Variants in ATP2C2 observed in about 807,000 individuals in gnomAD.
The protein encoded by ATP2C2 is ATPase secretory pathway Ca2+ transporting 2.
ATP2C2 carries 171 observed loss-of-function variants against 110.8 expected under a neutral mutation model. That is an observed-to-expected ratio of 1.54 (90% CI 1.36 to 1.75). ATP2C2 has a LOEUF of 1.75. ATP2C2 is among the 40% of genes most tolerant of loss of function. The probability of loss-of-function intolerance (pLI) is 0.00; values close to 1 mark genes in which losing one functional copy is unlikely to be tolerated. For synonymous variants in ATP2C2, 804 were observed against 508.4 expected, an observed-to-expected ratio of 1.58 and a Z score of -7.82; for missense variants, 1,963 against 1,235.0, an observed-to-expected ratio of 1.59 and a Z score of -8.84.
Position 84,462,066 on chromosome 16 carries a change from C to G in ATP2C2, c.2659C>G (p.Leu887Val). ...CGTCCTGGGGTCCATCCTGGGGCAG[C>G]TGGCGGTCATTTACATCCCCCCGCT... ...YSVLGSILGQ[L>V]AVIYIPPLQR... The change falls in exon 26 of 27, where the codon CTG becomes GTG. Residue 887 changes from leucine (L) to valine (V), a missense_variant. Physicochemically the swap from Leu to Val is conservative, Grantham distance 32 (BLOSUM62 1). Transcript: ENST00000262429. 2 of 1,614,066 alleles carry G rather than the reference C, an allele frequency of 1.2e-6. No homozygotes were observed. The highest frequency in any genetic ancestry group is 2.2e-5 in the South Asian group (2 of 91,074).
intron 4 of ATP2C2, among the ~76,000 whole-genome samples, chr16:84,409,110 C>A (rs1906043987): frequency 6.6e-6 from 1 of 152,178 alleles, no homozygotes; most frequent in Admixed American, 6.5e-5. Flanking sequence ...GGATATGTCA[C>A]TGAAATGGAT....
Position 84,460,711 on chromosome 16 carries a change from G to A in ATP2C2, c.2391G>A (p.Arg797=), listed in dbSNP as rs1911228217. ...TCAGGCAGCCACCACGGAGTGTGCG[G>A]GACACCATCCTCAGCAGAGCCCTCA... is the stretch of plus-strand genomic sequence containing the variant. ...DAFRQPPRSV[R]DTILSRALIL... The change falls in exon 24 of 27, where the codon CGG becomes CGA. Residue 797 remains arginine, a synonymous_variant. Transcript: ENST00000262429. 1 of 1,614,088 alleles carries A rather than the reference G, an allele frequency of 6.2e-7. No homozygotes were observed. The highest frequency in any genetic ancestry group is 8.5e-7 in the Non-Finnish European group (1 of 1,180,038).
At position 84,439,362 on chromosome 16, in the gene ATP2C2, C is replaced by T. The variant is rs145373170; in HGVS notation, c.1112-65C>T. The T allele has an allele frequency of 6.8e-5, 109 of 1,612,390 alleles. No individual in the cohort carries two copies. The East Asian group carries it at 2.3e-3, about 35-fold the overall frequency. On this transcript the variant is annotated intron_variant, in intron 12 of 26. Coordinates refer to ENST00000262429, the MANE Select transcript of ATP2C2 (RefSeq NM_014861.4). ...GGGCTTGGCTGTCAGGGCAATCCAG[C>T]CTGGGGGTTTCACAAGCCTGAGGAT...
chr16:84,427,569 T>C (rs978614345), intron 11 of ATP2C2, among the ~76,000 whole-genome samples: 2 of 151,956 alleles, frequency 1.3e-5, no homozygotes, highest in African/African-American at 2.4e-5. Context: ...ATACAAAAAT[T>C]AACTGGGTGT....
chr16:84,396,549 CAAA>C (rs57290176), intron 1 of ATP2C2, among the ~76,000 whole-genome samples: 56 of 74,774 alleles, frequency 7.5e-4, no homozygotes, highest in African/African-American at 2.0e-3. Flanking sequence ...GGCTCTATCT[CAAA>C]AAAAAAAAAA....
chr16:84,417,767 A>T (rs1906969177), intron 7 of ATP2C2, among the ~76,000 whole-genome samples: 1 of 152,212 alleles, frequency 6.6e-6, no homozygotes, highest in African/African-American at 2.4e-5. Flanking sequence ...CACGAAGGTT[A>T]TTTTAAGGCT....
chr16:84,448,789 C>T, intron 17 of ATP2C2, 100 bp downstream of exon 17: 5 of 1,474,942 alleles, frequency 3.4e-6, no homozygotes, highest in South Asian at 1.4e-5. Context: ...GTCACCCGTC[C>T]CAAGGAGTCA....
chr16:84,385,645 C>T (rs1299875941), intron 1 of ATP2C2, among the ~76,000 whole-genome samples: 1 of 152,212 alleles, frequency 6.6e-6, no homozygotes, highest in Non-Finnish European at 1.5e-5. Context: ...CATTGACTCA[C>T]AGTTCCGCAT....
In ATP2C2 at chr16:84,460,537, A is replaced by C. The variant is rs565553269; in HGVS notation, c.2334-117A>C. Reference sequence around the variant, plus strand: ...TGCGATGCCTGGGGGCGTTCAGCAAATGCCTGGCCCTGCCCCCTGTGCCAA... The same window carrying C: ...TGCGATGCCTGGGGGCGTTCAGCAACTGCCTGGCCCTGCCCCCTGTGCCAA... On this transcript the variant is annotated intron_variant, in intron 23 of 26. Transcript: ENST00000262429. The C allele has an allele frequency of 1.9e-5, 27 of 1,449,710 alleles. No homozygotes were observed. The East Asian group carries it at 5.5e-4, about 29-fold the overall frequency. 89.8% of individuals were successfully genotyped at this position (1,449,710 alleles called of 1,614,324 possible).
chr16:84,426,706 T>C (rs1907843192), intron 11 of ATP2C2, among the ~76,000 whole-genome samples: 1 of 152,130 alleles, frequency 6.6e-6, no homozygotes. Context: ...GAGTGTTGGC[T>C]CTTAATACTG....
chr16:84,380,531 T>C (rs1316245494), intron 1 of ATP2C2, among the ~76,000 whole-genome samples: 1 of 152,206 alleles, frequency 6.6e-6, no homozygotes, highest in African/African-American at 2.4e-5. Flanking sequence ...AAGGTCCTGT[T>C]TGTTTCTGAT....
intron 17 of ATP2C2, among the ~76,000 whole-genome samples, chr16:84,450,075 C>A (rs1394592343): frequency 6.6e-6 from 1 of 152,262 alleles, no homozygotes; most frequent in African/African-American, 2.4e-5. Context: ...CAGGGACTTG[C>A]TCCAGGCCTT....
At chr16:84,453,258 G>T in intron 19 of ATP2C2, 23 bp downstream of exon 19, 1 of 1,614,044 alleles carries the variant, frequency 6.2e-7, no homozygotes, top group South Asian at 1.1e-5. Flanking sequence ...AGGCTTGGCT[G>T]GCAGTGGGGC....
At position 84,391,129 on chromosome 16, in the gene ATP2C2, A is replaced by G. The variant is rs933492617; in HGVS notation, c.100-7370A>G. On this transcript the variant is annotated intron_variant, in intron 1 of 26. Transcript: ENST00000262429. The stretch of plus-strand genomic sequence containing the variant: ...ACTCAGACTCAAAAAAAAAAAAAAA[A>G]AAAAAGAAGAAGAAGAAGGGAAGGT... Among the ~76,000 whole-genome samples the G allele has an allele frequency of 2.5e-3, 375 of 151,336 alleles. 2 individuals carry two copies. Among genetic ancestry groups the G allele is most frequent in the African/African-American group, 8.4e-3 (345 of 41,148 alleles).
intron 14 of ATP2C2, 42 bp from the exon 15 acceptor site, chr16:84,442,468 A>G: frequency 6.3e-7 from 1 of 1,589,262 alleles, no homozygotes; most frequent in South Asian, 1.1e-5. Flanking sequence ...CTTTTTCATG[A>G]GCCCAGTACT....
At chr16:84,416,532 C>G (rs1050065834) in intron 7 of ATP2C2, among the ~76,000 whole-genome samples, 2 of 152,184 alleles carry the variant, frequency 1.3e-5, no homozygotes, top group African/African-American at 2.4e-5. Flanking sequence ...AAGCTACCCC[C>G]TGGGACCTGG....
In ATP2C2 at chr16:84,398,453, G is replaced by C. The variant is rs113275450; in HGVS notation, c.100-46G>C. On this transcript the variant is annotated intron_variant, in intron 1 of 26. Transcript: ENST00000262429. ...AAAAAATAAATTTAAAAATTAATCA[G>C]TACAAAAGTTCAATCCGCTAAACAG... The C allele has an allele frequency of 1.1e-3, 1,426 of 1,264,306 alleles. 12 individuals are homozygous for C. The African/African-American group carries it at 0.015, about 13-fold the overall frequency. The allele number at this position is 1,264,306 out of a possible 1,614,324, so 78.3% of individuals were successfully genotyped here.
Position 84,440,871 on chromosome 16 carries a change from G to T in ATP2C2, c.1224G>T (p.Gly408=). ...TCGCCCTGCAGGTCAGCGGAGTTGG[G>T]TATGACGGTCAAGGGACTGTGTGTC... ...DGLRAEVSGV[G]YDGQGTVCLL... Residue 408 remains glycine, a synonymous_variant, in exon 14 of 27, where the codon GGG becomes GGT. Transcript: ENST00000262429. The T allele has an allele frequency of 6.2e-7, 1 of 1,613,186 alleles. No individual in the cohort carries two copies. Among genetic ancestry groups the T allele is most frequent in the East Asian group, 2.2e-5 (1 of 44,896 alleles).
At chr16:84,441,019 C>T (rs1909207298) in intron 14 of ATP2C2, 61 bp downstream of exon 14, 1 of 1,364,940 alleles carries the variant, frequency 7.3e-7, no homozygotes, top group East Asian at 2.3e-5. Context: ...TGGGGCTCCT[C>T]TCTGAAAAGG....
Sources: gnomAD v4.1 joint callset for allele counts (sites outside exome capture counted in the v4.1 genomes callset) on GRCh38, gnomAD v4.1.1 for gene constraint, MANE v1.5 for transcripts, NCBI Gene and HGNC (gene_info 2026-07-23, HGNC 2026-07-21) for gene names.